The following NRG1 variants were observed in gnomAD, a reference collection of about 807,000 sequenced individuals.
NRG1 encodes pro-neuregulin-1, membrane-bound isoform.
Under a neutral mutation model 63.8 loss-of-function variants are expected in NRG1, and 18 were observed. The observed-to-expected ratio is 0.28, with a 90% CI of 0.19 to 0.42. The LOEUF is 0.42. Ranked by LOEUF, NRG1 falls within the 10% of genes least tolerant of loss-of-function variation. The pLI is 1.00. For missense variants in NRG1, 762 were observed against 814.7 expected, an observed-to-expected ratio of 0.94 and a Z score of 0.79; for synonymous variants, 302 against 301.3, an observed-to-expected ratio of 1.00 and a Z score of -0.02.
At chr8:31,651,313 G>A (rs979826017) in intron 1 of NRG1, among the ~76,000 whole-genome samples, 2 of 152,212 alleles carry the variant, frequency 1.3e-5, no homozygotes, top group African/African-American at 4.8e-5. Flanking sequence ...AAATGATAAA[G>A]TATGATTAAT....
chr8:32,190,703 G>A (rs967285682), intron 1 of NRG1, among the ~76,000 whole-genome samples: 23 of 152,090 alleles, frequency 1.5e-4, no homozygotes, highest in African/African-American at 4.8e-4. Flanking sequence ...TGATTTTACC[G>A]TATTTGCAAC....
At chr8:31,944,440 A>C (rs906398873) in intron 1 of NRG1, among the ~76,000 whole-genome samples, 1 of 152,208 alleles carries the variant, frequency 6.6e-6, no homozygotes, top group Non-Finnish European at 1.5e-5. Flanking sequence ...AGTAAGAGAC[A>C]GTGCTGGGAT....
At chr8:31,854,657 T>G (rs1320523475) in intron 1 of NRG1, among the ~76,000 whole-genome samples, 1 of 152,212 alleles carries the variant, frequency 6.6e-6, no homozygotes, top group Non-Finnish European at 1.5e-5. Flanking sequence ...CTGCTAGCTT[T>G]TGAATGTGTT....
chr8:32,580,356 A>G (rs957210203), intron 1 of NRG1, among the ~76,000 whole-genome samples: 2 of 152,030 alleles, frequency 1.3e-5, no homozygotes, highest in Admixed American at 1.3e-4. Context: ...ACTTGTCTCA[A>G]CTCTAAGTGG....
chr8:31,856,493 T>C (rs1827888262), intron 1 of NRG1, among the ~76,000 whole-genome samples: 1 of 152,192 alleles, frequency 6.6e-6, no homozygotes, highest in Non-Finnish European at 1.5e-5. Flanking sequence ...TCTGTATTGG[T>C]TATTCTAGTT....
chr8:32,697,652 C>T (rs1033379677), intron 5 of NRG1, among the ~76,000 whole-genome samples: 2 of 152,118 alleles, frequency 1.3e-5, no homozygotes, highest in Admixed American at 1.3e-4. Context: ...TATATCCAAC[C>T]TATTTATGTA....
intron 6 of NRG1, among the ~76,000 whole-genome samples, chr8:32,736,076 A>G (rs1186090805): frequency 6.6e-6 from 1 of 152,130 alleles, no homozygotes; most frequent in Admixed American, 6.6e-5. Context: ...GATCTGAAGG[A>G]AACATTACTG....
chr8:32,380,059 A>T (rs940025977), intron 1 of NRG1, among the ~76,000 whole-genome samples: 2 of 152,020 alleles, frequency 1.3e-5, no homozygotes, highest in Admixed American at 1.3e-4. Flanking sequence ...TGTCATCACC[A>T]TCTCCACTTT....
At chr8:31,693,920 C>T (rs1809788076) in intron 1 of NRG1, among the ~76,000 whole-genome samples, 1 of 152,154 alleles carries the variant, frequency 6.6e-6, no homozygotes, top group Admixed American at 6.5e-5. Flanking sequence ...TTATTGTAAC[C>T]TCCTCCTTGC....
intron 5 of NRG1, among the ~76,000 whole-genome samples, chr8:32,681,286 C>T (rs1563933115): frequency 6.6e-6 from 1 of 152,146 alleles, no homozygotes; most frequent in South Asian, 2.1e-4. Context: ...AATCAAAATG[C>T]ATGACCTAGT....
chr8:31,960,253 G>T (rs958043732), intron 1 of NRG1, among the ~76,000 whole-genome samples: 20 of 152,246 alleles, frequency 1.3e-4, no homozygotes, highest in African/African-American at 4.6e-4. Context: ...TTAATGGGGT[G>T]GCAGTGTTGT....
intron 1 of NRG1, among the ~76,000 whole-genome samples, chr8:31,723,743 G>GT (rs925876619): frequency 6.6e-6 from 1 of 152,118 alleles, no homozygotes. Flanking sequence ...TTTTCTTACT[G>GT]TAACTAACTA....
At chr8:31,915,162 T>G (rs1474761601) in intron 1 of NRG1, among the ~76,000 whole-genome samples, 2 of 152,050 alleles carry the variant, frequency 1.3e-5, no homozygotes, top group Non-Finnish European at 2.9e-5. Context: ...ATCTGCCATT[T>G]ATCTGAGGAC....
intron 1 of NRG1, among the ~76,000 whole-genome samples, chr8:31,876,524 G>T (rs1829936612): frequency 6.6e-6 from 1 of 152,264 alleles, no homozygotes; most frequent in African/African-American, 2.4e-5. Context: ...TGCTGGTTGA[G>T]AGAGTGAATA....
At chr8:32,053,509 G>A (rs1226846679) in intron 1 of NRG1, among the ~76,000 whole-genome samples, 1 of 152,266 alleles carries the variant, frequency 6.6e-6, no homozygotes, top group East Asian at 1.9e-4. Context: ...ACCAGGATGA[G>A]GGGGTCATGT....
intron 1 of NRG1, among the ~76,000 whole-genome samples, chr8:32,584,022 T>C (rs540186337): frequency 6.6e-6 from 1 of 152,112 alleles, no homozygotes; most frequent in African/African-American, 2.4e-5. Context: ...CAAAAGATTC[T>C]TTAAGGAATT....
At chr8:32,231,485 CTG>C (rs1846937010) in intron 1 of NRG1, among the ~76,000 whole-genome samples, 1 of 152,136 alleles carries the variant, frequency 6.6e-6, no homozygotes, top group African/African-American at 2.4e-5. Flanking sequence ...GTGATATACT[CTG>C]GGGTATTAAT....
chr8:31,731,035 T>C (rs550392211), intron 1 of NRG1, among the ~76,000 whole-genome samples: 8 of 152,236 alleles, frequency 5.3e-5, no homozygotes, highest in African/African-American at 1.7e-4. Flanking sequence ...AGTAGGACTT[T>C]TCACAAAGCT....
At chr8:32,171,421 GA>G (rs1381546867) in intron 1 of NRG1, 1 of 152,272 alleles carries the variant, frequency 6.6e-6, no homozygotes, top group Non-Finnish European at 1.5e-5. Flanking sequence ...CAGCATGAGC[GA>G]CGCAGAAGAC....
Sources: gnomAD v4.1 joint callset for allele counts (sites outside exome capture counted in the v4.1 genomes callset) on GRCh38, gnomAD v4.1.1 for gene constraint, MANE v1.5 for transcripts, NCBI Gene and HGNC (gene_info 2026-07-23, HGNC 2026-07-21) for gene names.